SLC9A7: variants seen among roughly 807,000 people sequenced by gnomAD.
The protein encoded by SLC9A7 is sodium/hydrogen exchanger 7.
SLC9A7 carries 19 observed loss-of-function variants against 52.6 expected under a neutral mutation model. The observed-to-expected ratio is 0.36, with a 90% CI of 0.25 to 0.53. SLC9A7 has a LOEUF of 0.53. Among genes scored for constraint, SLC9A7 ranks in the 20% least tolerant of loss-of-function variants. SLC9A7 has a pLI of 0.91. For missense variants in SLC9A7, 455 were observed against 597.9 expected, an observed-to-expected ratio of 0.76 and a Z score of 2.49; for synonymous variants, 226 against 252.1, an observed-to-expected ratio of 0.90 and a Z score of 0.98.
At chrX:46,684,332 G>A (rs1184743483) in intron 1 of SLC9A7, among the ~76,000 whole-genome samples, 1 of 111,065 alleles carries the variant, frequency 9.0e-6, no homozygotes, top group Non-Finnish European at 1.9e-5. Flanking sequence ...AGCCTCCCGA[G>A]TAGCTGGGAC....
chrX:46,734,718 T>C (rs1602287790), intron 1 of SLC9A7, among the ~76,000 whole-genome samples: 1 of 111,002 alleles, frequency 9.0e-6, no homozygotes, highest in Non-Finnish European at 1.9e-5. Context: ...ACCACACTTA[T>C]TGTTTTTTTA....
intron 14 of SLC9A7, among the ~76,000 whole-genome samples, chrX:46,623,225 C>G (rs1263718511): frequency 8.9e-6 from 1 of 111,755 alleles, no homozygotes; most frequent in Non-Finnish European, 1.9e-5. Context: ...GGGCTCCGAA[C>G]AGCACCGGAC....
At chrX:46,648,634 T>C (rs1943531690) in intron 11 of SLC9A7, 52 bp downstream of exon 11, 2 of 911,742 alleles carry the variant, frequency 2.2e-6, no homozygotes, top group Non-Finnish European at 3.2e-6. Context: ...TTAATCATAT[T>C]CTTGTTACCT....
chrX:46,706,466 T>C (rs768713507), intron 1 of SLC9A7, among the ~76,000 whole-genome samples: 4 of 109,602 alleles, frequency 3.6e-5, no homozygotes, highest in South Asian at 8.1e-4. Context: ...TAATAAGAGG[T>C]TATATTTTAA....
At chrX:46,710,515 G>A (rs1350366819) in intron 1 of SLC9A7, among the ~76,000 whole-genome samples, 3 of 111,156 alleles carry the variant, frequency 2.7e-5, no homozygotes, top group African/African-American at 9.8e-5. Context: ...TTAAGAGCCT[G>A]GGAATCCCCA....
intron 1 of SLC9A7, among the ~76,000 whole-genome samples, chrX:46,748,957 T>C (rs1167072900): frequency 1.8e-5 from 2 of 111,160 alleles, no homozygotes; most frequent in Admixed American, 1.9e-4. Flanking sequence ...ATGTTATGTA[T>C]ATTTTACCAA....
chrX:46,612,910 G>A (rs1488655416), intron 16 of SLC9A7, among the ~76,000 whole-genome samples: 1 of 74,483 alleles, frequency 1.3e-5, no homozygotes, highest in Non-Finnish European at 2.3e-5. Context: ...GGGCGACAGA[G>A]TGAGACTCCG....
chrX:46,671,300 G>C (rs5906253), intron 4 of SLC9A7, among the ~76,000 whole-genome samples: 1 of 109,177 alleles, frequency 9.2e-6, no homozygotes, highest in Non-Finnish European at 1.9e-5. Context: ...TCACTCTGTC[G>C]CCCAGGCTGG....
At chrX:46,629,790 A>G (rs1161839657) in intron 14 of SLC9A7, among the ~76,000 whole-genome samples, 1 of 111,861 alleles carries the variant, frequency 8.9e-6, no homozygotes. Flanking sequence ...AAGGACGGCC[A>G]TCATGTTTTC....
At chrX:46,608,598 GT>G (rs1408672436) in intron 16 of SLC9A7, among the ~76,000 whole-genome samples, 1 of 112,185 alleles carries the variant, frequency 8.9e-6, no homozygotes, top group Non-Finnish European at 1.9e-5. Context: ...CTTTACCAGT[GT>G]TTAGAAAGTC....
chrX:46,738,094 AG>A (rs1921000939), intron 1 of SLC9A7, among the ~76,000 whole-genome samples: 1 of 63,242 alleles, frequency 1.6e-5, no homozygotes, highest in Non-Finnish European at 4.3e-5. Flanking sequence ...AAAGAAAGAA[AG>A]AAAGAAAGAA....
chrX:46,741,125 T>C (rs1348856880), intron 1 of SLC9A7, among the ~76,000 whole-genome samples: 2 of 111,838 alleles, frequency 1.8e-5, no homozygotes, highest in African/African-American at 6.5e-5. Context: ...CTATAAAACA[T>C]TTTTGAGATA....
intron 5 of SLC9A7, among the ~76,000 whole-genome samples, chrX:46,665,939 G>T (rs764090730): frequency 1.9e-4 from 21 of 111,267 alleles, no homozygotes; most frequent in Non-Finnish European, 3.0e-4. Context: ...ACCACAGAGT[G>T]GAGAAGGCTC....
intron 1 of SLC9A7, chrX:46,684,727 C>CTT (rs1205519570): frequency 8.8e-6 from 1 of 113,168 alleles, no homozygotes; most frequent in Non-Finnish European, 1.9e-5. Flanking sequence ...CCAGATGACA[C>CTT]TAGAAATGGT....
intron 1 of SLC9A7, among the ~76,000 whole-genome samples, chrX:46,711,460 A>C (rs1395986995): frequency 9.0e-6 from 1 of 111,639 alleles, no homozygotes; most frequent in Non-Finnish European, 1.9e-5. Context: ...GTGTAAAGAG[A>C]GGAAGTAGGC....
intron 12 of SLC9A7, among the ~76,000 whole-genome samples, chrX:46,641,674 C>A (rs1007073108): frequency 3.6e-5 from 4 of 111,589 alleles, no homozygotes; most frequent in African/African-American, 1.3e-4. Context: ...GAGATTCATG[C>A]CAGGAAACTG....
At chrX:46,700,653 C>T (rs954094599) in intron 1 of SLC9A7, among the ~76,000 whole-genome samples, 3 of 111,953 alleles carry the variant, frequency 2.7e-5, no homozygotes, top group South Asian at 3.7e-4. Flanking sequence ...GACTTCTGGC[C>T]GCCAGAACTG....
At chrX:46,754,098 C>A (rs1482173608) in intron 1 of SLC9A7, among the ~76,000 whole-genome samples, 1 of 111,248 alleles carries the variant, frequency 9.0e-6, no homozygotes, top group African/African-American at 3.3e-5. Context: ...ATTTTCCTCA[C>A]TTCCACTAAC....
intron 1 of SLC9A7, among the ~76,000 whole-genome samples, chrX:46,740,300 A>G (rs189418977): frequency 2.3e-4 from 26 of 111,919 alleles, no homozygotes; most frequent in African/African-American, 8.4e-4. Flanking sequence ...CCTTTCCTCT[A>G]AGAACTGGAA....
Sources: allele counts gnomAD v4.1 joint callset (sites outside exome capture counted in the v4.1 genomes callset), GRCh38; gene constraint gnomAD v4.1.1; transcripts MANE v1.5; gene names NCBI Gene and HGNC (gene_info 2026-07-23, HGNC 2026-07-21).